The following IGSF3 variants were observed in gnomAD, a reference collection of about 807,000 sequenced individuals.
The protein encoded by IGSF3 is immunoglobulin superfamily member 3.
In IGSF3, 23 loss-of-function variants were observed where a neutral mutation model predicts 114.4. The ratio of observed to expected loss-of-function variants is 0.20; its 90% confidence interval spans 0.14 to 0.28. The LOEUF is 0.28. IGSF3 is among the 10% of genes least tolerant of loss of function. IGSF3 has a pLI of 1.00. For missense variants in IGSF3, 1,172 were observed against 1,591.5 expected (o/e 0.74, Z 4.48); for synonymous variants, 571 against 645.2 (o/e 0.88, Z 1.74).
chr1:116,612,210 G>GT lies in IGSF3; in HGVS notation c.832+1554_832+1555insA, dbSNP rs1204962324. On this transcript the variant is annotated intron_variant, in intron 4 of 10. Coordinates refer to ENST00000369486, the MANE Select transcript of IGSF3 (RefSeq NM_001007237.3). The surrounding 1 kb of genome is among the most constrained non-coding windows in gnomAD (Gnocchi z 4.1). ...TGAAGTTGATCTTAAAACTATCCAG[G>GT]AAGGGAAAGGATAAATATAAAATAA... is the stretch of plus-strand genomic sequence containing the variant. 1.3e-5 allele frequency among the ~76,000 whole-genome samples: 2 copies of GT among 152,098 alleles called. No homozygotes were observed. The highest frequency in any genetic ancestry group is 4.8e-5 in the African/African-American group (2 of 41,414).
intron 2 of IGSF3, among the ~76,000 whole-genome samples, chr1:116,635,971 G>A (rs1452375752): frequency 3.9e-5 from 6 of 152,162 alleles, no homozygotes; most frequent in African/African-American, 9.7e-5. Flanking sequence ...GTGTCCCCTT[G>A]CATTTCAGAC....
At chr1:116,639,565 T>C (rs1023991440) in intron 2 of IGSF3, among the ~76,000 whole-genome samples, 3 of 152,342 alleles carry the variant, frequency 2.0e-5, no homozygotes, top group Non-Finnish European at 4.4e-5. Flanking sequence ...TCTCCTTTCA[T>C]GCTCTTCTTA....
chr1:116,617,524 C>T (rs1468999668), intron 2 of IGSF3, among the ~76,000 whole-genome samples: 4 of 152,212 alleles, frequency 2.6e-5, no homozygotes, highest in Non-Finnish European at 5.9e-5. Flanking sequence ...CCTTGATCTT[C>T]TCATCTATCA....
Position 116,613,811 on chromosome 1 carries a change from C to G in IGSF3, c.786G>C (p.Met262Ile). ...CGGCTCCCTCGGAACGCTTTCGGGT[C>G]ATAGCATACCACGACCCATCCGGAT... ...IQDPDGSWYA[M>I]TRKRSEGAVV... The change falls in exon 4 of 11, where the codon ATG becomes ATC. Residue 262 changes from methionine (M) to isoleucine (I), a missense_variant. By Grantham distance (10) the Met-to-Ile change is conservative. This residue lies in a region of IGSF3 where 736 missense variants were observed against 1,042.0 expected (regional missense o/e 0.71). Coordinates refer to ENST00000369486, the MANE Select transcript of IGSF3 (RefSeq NM_001007237.3). The G allele has an allele frequency of 6.2e-7, 1 of 1,614,004 alleles. No homozygotes were observed. The highest frequency in any genetic ancestry group is 8.5e-7 in the Non-Finnish European group (1 of 1,179,866).
rs754395956 is a variant in IGSF3 at position 116,616,236 on chromosome 1, G to A, written c.265C>T (p.Arg89Cys). The A allele has an allele frequency of 8.1e-6, 13 of 1,613,260 alleles. No homozygotes were observed. Among genetic ancestry groups the A allele is most frequent in the South Asian group, 1.1e-5 (1 of 91,034 alleles). ...CTTTCTATGAAGATCTTCCCTCCGC[G>A]GACGCGCTGGGTGTAGATGGCATAG... is the stretch of plus-strand genomic sequence containing the variant. ...FPYAIYTQRVRGGKIFIERVQ... is the reference protein window; with the variant it reads ...FPYAIYTQRVCGGKIFIERVQ... Residue 89 changes from arginine to cysteine, a missense_variant, in exon 3 of 11, where the codon CGC becomes TGC. Physicochemically the swap from Arg to Cys is radical, Grantham distance 180. This residue lies in a region of IGSF3 where 736 missense variants were observed against 1,042.0 expected (regional missense o/e 0.71). Transcript: ENST00000369486. This position sits in a 1 kb window ranked among gnomAD's most constrained non-coding sequence, Gnocchi z 6.6.
In IGSF3 at chr1:116,576,963, A is replaced by T. The variant is rs187417115; in HGVS notation, c.*349T>A. 1 of 199,488 alleles carries T rather than the reference A, an allele frequency of 5.0e-6. No individual in the cohort carries two copies. Among genetic ancestry groups the T allele is most frequent in the East Asian group, 1.2e-4 (1 of 8,066 alleles). The allele number at this position is 199,488 out of a possible 1,614,324, so 12.4% of individuals were successfully genotyped here. A position where few individuals can be genotyped will look rare whatever the true frequency, so the allele number is the denominator to read the frequency against. On this transcript the variant is annotated 3_prime_UTR_variant, in exon 11 of 11. Coordinates refer to ENST00000369486, the MANE Select transcript of IGSF3 (RefSeq NM_001007237.3). This position sits in a 1 kb window ranked among gnomAD's most constrained non-coding sequence, Gnocchi z 4.6. ...AAAAGGGTAAACTAAAGGGATTTAA[A>T]AAGAGTACATTACAAAGAATAAGAA...
Position 116,600,089 on chromosome 1 carries a change from G to A in IGSF3, c.1881C>T (p.Asn627=), listed in dbSNP as rs374227174. The change falls in exon 7 of 11, where the codon AAC becomes AAT. Residue 627 remains asparagine (N), a synonymous_variant. Coordinates refer to ENST00000369486, the MANE Select transcript of IGSF3 (RefSeq NM_001007237.3). This position sits in a 1 kb window ranked among gnomAD's most constrained non-coding sequence, Gnocchi z 5.5. ...TAIEKAESSN[N]VRLSISRASD... ...TGGCTCGGCTGATGCTTAGGCGGAC[G>A]TTGTTGCTGGACTCAGCCTTCTCGA... The A allele has an allele frequency of 7.4e-6, 12 of 1,614,174 alleles. No homozygotes were observed. In the East Asian group the frequency reaches 1.3e-4, roughly 18 times the overall value.
rs142453002 is a variant in IGSF3, at chr1:116,576,349, C to A, written c.*963G>T. On this transcript the variant is annotated 3_prime_UTR_variant, in exon 11 of 11. Coordinates refer to ENST00000369486, the MANE Select transcript of IGSF3 (RefSeq NM_001007237.3). The surrounding 1 kb of genome is among the most constrained non-coding windows in gnomAD (Gnocchi z 4.6). Reference sequence around the variant, plus strand: ...TTGGCAAAGCACCTGAAGACACAGGCCCACCTGCTCACAGTTAATCAGTTA... The same window carrying A: ...TTGGCAAAGCACCTGAAGACACAGGACCACCTGCTCACAGTTAATCAGTTA... 2.3e-4 allele frequency: 35 copies of A among 152,738 alleles called. No individual in the cohort carries two copies. Among genetic ancestry groups the A allele is most frequent in the Non-Finnish European group, 4.0e-4 (27 of 68,118 alleles). 9.5% of individuals were successfully genotyped at this position (152,738 alleles called of 1,614,324 possible). A position where few individuals can be genotyped will look rare whatever the true frequency, so the allele number is the denominator to read the frequency against.
In IGSF3 at chr1:116,665,784, A is replaced by G. The variant is rs1649306042; in HGVS notation, c.43+500T>C. ...CACATTTTTAGCCTTCAGACCACTC[A>G]GGTAGGCAAAGCATCCCTTCAACCC... On this transcript the variant is annotated intron_variant, in intron 2 of 10. Transcript: ENST00000369486. This position sits in a 1 kb window ranked among gnomAD's most constrained non-coding sequence, Gnocchi z 4.0. 6.6e-6 allele frequency among the ~76,000 whole-genome samples: 1 copy of G among 152,166 alleles called. No individual in the cohort carries two copies. The highest frequency in any genetic ancestry group is 2.1e-4 in the South Asian group (1 of 4,822).
At chr1:116,639,232 G>C (rs1183546107) in intron 2 of IGSF3, among the ~76,000 whole-genome samples, 2 of 152,226 alleles carry the variant, frequency 1.3e-5, no homozygotes, top group Non-Finnish European at 2.9e-5. Context: ...ACTGGGTCTG[G>C]CTGGAAGGGG....
intron 2 of IGSF3, among the ~76,000 whole-genome samples, chr1:116,659,604 T>C (rs373107895): frequency 1.3e-5 from 2 of 152,176 alleles, no homozygotes; most frequent in East Asian, 3.8e-4. Context: ...CTCCCTTTTT[T>C]TTTTTGAGAC....
At chr1:116,613,485 T>C (rs747768562) in intron 4 of IGSF3, among the ~76,000 whole-genome samples, 19 of 152,150 alleles carry the variant, frequency 1.2e-4, no homozygotes, top group Admixed American at 3.9e-4. Flanking sequence ...TAAAATGAGT[T>C]TCTAATTCAA....
intron 2 of IGSF3, among the ~76,000 whole-genome samples, chr1:116,640,497 CAG>C (rs1449036525): frequency 6.6e-6 from 1 of 152,172 alleles, no homozygotes; most frequent in Non-Finnish European, 1.5e-5. Flanking sequence ...AAACAATATA[CAG>C]AGTTTTTGGA....
Position 116,642,451 on chromosome 1 carries a change from T to TC in IGSF3, c.43+23832dup, listed in dbSNP as rs1480205886. On this transcript the variant is annotated intron_variant, in intron 2 of 10. Coordinates refer to ENST00000369486, the MANE Select transcript of IGSF3 (RefSeq NM_001007237.3). The surrounding 1 kb of genome is among the most constrained non-coding windows in gnomAD (Gnocchi z 5.4). ...AGTCCCCACGCTTAGGGGAAGGGGC[T>TC]CAGGCACTGGGAGTCGGTCAGGGCT... 6.6e-6 allele frequency among the ~76,000 whole-genome samples: 1 copy of TC among 152,104 alleles called. No individual in the cohort carries two copies. Among genetic ancestry groups the TC allele is most frequent in the African/African-American group, 2.4e-5 (1 of 41,406 alleles).
chr1:116,587,399 A>T (rs1659895567), intron 8 of IGSF3, among the ~76,000 whole-genome samples: 1 of 152,204 alleles, frequency 6.6e-6, no homozygotes, highest in African/African-American at 2.4e-5. Flanking sequence ...GCTACATTTA[A>T]GTTAAAATGA....
Position 116,585,034 on chromosome 1 carries a change from C to G in IGSF3, c.2459G>C (p.Ser820Thr), listed in dbSNP as rs901659386. ...VKQPDSRLRL[S>T]QAQGNLSVLE... is the part of the protein sequence containing the mutation. Reference sequence around the variant, plus strand: ...AACCGACAGGTTCCCCTGGGCTTGGCTGAGCCTCAGGCGGCTGTCTGGAAC... The same window carrying G: ...AACCGACAGGTTCCCCTGGGCTTGGGTGAGCCTCAGGCGGCTGTCTGGAAC... Residue 820 changes from serine to threonine, a missense_variant, in exon 9 of 11, where the codon AGC (serine) becomes ACC (threonine). Physicochemically the swap from Ser to Thr is moderately conservative, Grantham distance 58 (BLOSUM62 1). Transcript: ENST00000369486. This position sits in a 1 kb window ranked among gnomAD's most constrained non-coding sequence, Gnocchi z 4.9. 1.4e-5 allele frequency: 21 copies of G among 1,542,440 alleles called. No individual in the cohort carries two copies. Among genetic ancestry groups the G allele is most frequent in the Non-Finnish European group, 1.8e-5 (20 of 1,141,120 alleles).
chr1:116,584,532 T>C lies in IGSF3; in HGVS notation c.2848+113A>G, dbSNP rs1173872044. ...AAATGCATATACATGTAGACACTCA[T>C]ATATTTAACTGCAAATAATTTATTA... is the stretch of plus-strand genomic sequence containing the variant. On this transcript the variant is annotated intron_variant, in intron 9 of 10. Transcript: ENST00000369486. This position sits in a 1 kb window ranked among gnomAD's most constrained non-coding sequence, Gnocchi z 5.8. 2 of 1,068,028 alleles carry C rather than the reference T, an allele frequency of 1.9e-6. No individual in the cohort carries two copies. The highest frequency in any genetic ancestry group is 2.6e-5 in the East Asian group (1 of 38,152). The allele number at this position is 1,068,028 out of a possible 1,614,324, so 66.2% of individuals were successfully genotyped here.
At position 116,596,090 on chromosome 1, in the gene IGSF3, C is replaced by T. The variant is rs189229819; in HGVS notation, c.2029+3851G>A. Among the ~76,000 whole-genome samples the T allele has an allele frequency of 4.7e-4, 71 of 152,282 alleles. No individual in the cohort carries two copies. Among genetic ancestry groups the T allele is most frequent in the African/African-American group, 1.6e-3 (65 of 41,550 alleles). ...CCACAAGTCAACTGTGCCATCCAAC[C>T]AGAGATTCTGATGAATACTGATATG... On this transcript the variant is annotated intron_variant, in intron 7 of 10. Coordinates refer to ENST00000369486, the MANE Select transcript of IGSF3 (RefSeq NM_001007237.3). The surrounding 1 kb of genome is among the most constrained non-coding windows in gnomAD (Gnocchi z 4.1).
At chr1:116,599,298 T>A (rs1430589390) in intron 7 of IGSF3, among the ~76,000 whole-genome samples, 1 of 152,002 alleles carries the variant, frequency 6.6e-6, no homozygotes, top group Non-Finnish European at 1.5e-5. Context: ...GTATGAGGAT[T>A]ATAGGAGATG....
Sources: gnomAD v4.1 joint callset for allele counts (sites outside exome capture counted in the v4.1 genomes callset) on GRCh38, gnomAD v4.1.1 for gene constraint, gnomAD v4.1.1 regional missense constraint, Gnocchi (gnomAD v3.1) non-coding constraint, MANE v1.5 for transcripts, NCBI Gene and HGNC (gene_info 2026-07-23, HGNC 2026-07-21) for gene names.